The following EFCAB5 variants were observed in gnomAD, a reference collection of about 807,000 sequenced individuals.
EFCAB5 encodes the protein EF-hand calcium-binding domain-containing protein 5.
EFCAB5 carries 131 observed loss-of-function variants against 167.9 expected under a neutral mutation model. That is an observed-to-expected ratio of 0.78 (90% CI 0.68 to 0.90). The LOEUF is 0.90. Ranked by LOEUF, EFCAB5 falls within the 40% of genes least tolerant of loss-of-function variation. The probability of loss-of-function intolerance (pLI) is 0.00; values close to 1 mark genes in which losing one functional copy is unlikely to be tolerated. For synonymous variants in EFCAB5, 574 were observed against 602.8 expected (o/e 0.95, Z 0.70); for missense variants, 1,663 against 1,745.2 (o/e 0.95, Z 0.84).
chr17:29,996,441 C>G (rs2068546043), intron 6 of EFCAB5, 81 bp downstream of exon 6: 1 of 1,207,300 alleles, frequency 8.3e-7, no homozygotes, highest in South Asian at 1.4e-5. Flanking sequence ...GAAGAGTCAA[C>G]ATGAGACAGA....
At chr17:30,044,825 A>G (rs2069874886) in intron 8 of EFCAB5, among the ~76,000 whole-genome samples, 1 of 152,236 alleles carries the variant, frequency 6.6e-6, no homozygotes, top group Non-Finnish European at 1.5e-5. Flanking sequence ...ATTACAACAT[A>G]TAATTAAAAC....
chr17:29,994,310 T>A (rs7212162), intron 5 of EFCAB5, among the ~76,000 whole-genome samples: 79,496 of 150,908 alleles, frequency 0.53, 21,294 homozygotes, highest in East Asian at 0.69. Flanking sequence ...AGAACTTGGA[T>A]ATTTCATTTT....
At chr17:29,967,356 TC>T (rs2067851207) in intron 3 of EFCAB5, among the ~76,000 whole-genome samples, 1 of 152,208 alleles carries the variant, frequency 6.6e-6, no homozygotes, top group Non-Finnish European at 1.5e-5. Flanking sequence ...AAATCTTGCT[TC>T]TCTAGCCTAA....
In EFCAB5 at chr17:30,107,929, AAAC is replaced by A. The variant is rs777579576; in HGVS notation, c.4421_4423del (p.Gln1474del). The A allele has an allele frequency of 9.9e-6, 16 of 1,611,972 alleles. No homozygotes were observed. In the South Asian group the frequency reaches 1.3e-4, roughly 13 times the overall value. On this transcript the variant is annotated inframe_deletion, in exon 23 of 23. Transcript: ENST00000394835. ...CTGTTCAGCTCTCATGAAGATAACC[AAAC>A]AACTAAATAGTGGTATTACACCTCC...
At chr17:30,068,900 C>T (rs968379484) in intron 14 of EFCAB5, 1 of 1,537,286 alleles carries the variant, frequency 6.5e-7, no homozygotes, top group African/African-American at 1.4e-5. Context: ...ATGACAGACA[C>T]AGAACGAGAC....
chr17:29,940,340 G>C (rs2067281956), upstream of EFCAB5, among the ~76,000 whole-genome samples: 1 of 152,140 alleles, frequency 6.6e-6, no homozygotes, highest in African/African-American at 2.4e-5. Flanking sequence ...GCCTCCCAAA[G>C]TGCTGGGATT....
intron 22 of EFCAB5, among the ~76,000 whole-genome samples, chr17:30,093,802 C>T (rs572246154): frequency 6.6e-6 from 1 of 152,298 alleles, no homozygotes; most frequent in Non-Finnish European, 1.5e-5. Context: ...CCACAGTCTC[C>T]GCAGCAATCA....
intron 19 of EFCAB5, 54 bp from the exon 20 acceptor site, chr17:30,090,367 G>A: frequency 6.3e-7 from 1 of 1,583,948 alleles, no homozygotes; most frequent in Non-Finnish European, 8.6e-7. Flanking sequence ...TTGGTGGAAT[G>A]ATGTGAACAG....
chr17:30,097,061 T>TG (rs200670086), intron 22 of EFCAB5, among the ~76,000 whole-genome samples: 1 of 51,128 alleles, frequency 2.0e-5, no homozygotes, highest in Non-Finnish European at 3.3e-5. Context: ...TATATATATA[T>TG]TTTTTTTTTT....
rs1010726257 is a variant in EFCAB5, at chr17:30,034,267, T to C, written c.1082T>C (p.Met361Thr). The C allele has an allele frequency of 2.5e-6, 4 of 1,613,894 alleles. No individual in the cohort carries two copies. Among genetic ancestry groups the C allele is most frequent in the Non-Finnish European group, 3.4e-6 (4 of 1,179,898 alleles). Residue 361 changes from methionine (M) to threonine (T), a missense_variant, in exon 8 of 23, where the codon ATG becomes ACG. By Grantham distance (81) the Met-to-Thr change is moderately conservative (BLOSUM62 -1). Coordinates refer to ENST00000394835, the MANE Select transcript of EFCAB5 (RefSeq NM_198529.4). ...CATATTAAAGACTTGAAGAGTGAAA[T>C]GTTTGAGGAACTTCTTAAGCACCTT... ...SSHIKDLKSEMFEELLKHLCH... is the reference protein window; with the variant it reads ...SSHIKDLKSETFEELLKHLCH...
intron 3 of EFCAB5, among the ~76,000 whole-genome samples, chr17:29,954,545 T>G (rs2067574656): frequency 6.6e-6 from 1 of 152,172 alleles, no homozygotes; most frequent in South Asian, 2.1e-4. Context: ...CTGCCTAGAT[T>G]TCAAGGATGT....
At chr17:30,068,286 A>AGT (rs1211235486) in intron 14 of EFCAB5, among the ~76,000 whole-genome samples, 1 of 151,996 alleles carries the variant, frequency 6.6e-6, no homozygotes, top group Non-Finnish European at 1.5e-5. Flanking sequence ...TGGGCAACAG[A>AGT]GTGAGACTCC....
At chr17:30,078,073 C>T in intron 14 of EFCAB5, 142 bp from the exon 15 acceptor site, 1 of 770,928 alleles carries the variant, frequency 1.3e-6, no homozygotes, top group Non-Finnish European at 2.0e-6. Flanking sequence ...TTCCACTGGG[C>T]TCAGAGATGC....
Position 30,059,665 on chromosome 17 carries a change from T to A in EFCAB5, c.2701T>A (p.Tyr901Asn). 6.2e-7 allele frequency: 1 copy of A among 1,603,422 alleles called. No homozygotes were observed. Among genetic ancestry groups the A allele is most frequent in the Middle Eastern group, 1.7e-4 (1 of 6,002 alleles). ...LKEVDELLYTYKEGMEKESMK... is the reference protein window; with the variant it reads ...LKEVDELLYTNKEGMEKESMK... ...GGAAGTTGATGAACTCTTGTACACA[T>A]ACAAGGAGGGAATGGAAAAAGAATC... Residue 901 changes from tyrosine (Y) to asparagine (N), a missense_variant, in exon 14 of 23, where the codon TAC becomes AAC. By Grantham distance (143) the Tyr-to-Asn change is moderately radical (BLOSUM62 -2). Coordinates refer to ENST00000394835, the MANE Select transcript of EFCAB5 (RefSeq NM_198529.4).
intron 7 of EFCAB5, among the ~76,000 whole-genome samples, chr17:30,014,073 T>A (rs1468320641): frequency 6.6e-6 from 1 of 152,204 alleles, no homozygotes; most frequent in Non-Finnish European, 1.5e-5. Flanking sequence ...CAGTCGTCAT[T>A]CAGGAGCAGG....
At chr17:30,058,913 T>C (rs1299803260) in intron 13 of EFCAB5, 1 of 151,448 alleles carries the variant, frequency 6.6e-6, no homozygotes, top group African/African-American at 2.4e-5. Flanking sequence ...TGTGTATTTA[T>C]CACATTCCTG....
At chr17:30,045,525 AC>A (rs1408360687) in intron 8 of EFCAB5, among the ~76,000 whole-genome samples, 1 of 151,524 alleles carries the variant, frequency 6.6e-6, no homozygotes, top group Non-Finnish European at 1.5e-5. Flanking sequence ...CTACAGCTTC[AC>A]TGTGGTGGTA....
chr17:30,037,891 A>T (rs1010421163), intron 8 of EFCAB5, among the ~76,000 whole-genome samples: 9 of 152,136 alleles, frequency 5.9e-5, no homozygotes, highest in African/African-American at 1.7e-4. Flanking sequence ...ATTTCCTGAG[A>T]TACAACAATA....
intron 14 of EFCAB5, chr17:30,069,408 T>C (rs2070668629): frequency 6.5e-7 from 1 of 1,537,282 alleles, no homozygotes; most frequent in African/African-American, 1.4e-5. Context: ...GGGAGAGTGG[T>C]TGAGATTTCC....
Sources: gnomAD v4.1 joint callset for allele counts (sites outside exome capture counted in the v4.1 genomes callset) on GRCh38, gnomAD v4.1.1 for gene constraint, MANE v1.5 for transcripts, NCBI Gene and HGNC (gene_info 2026-07-23, HGNC 2026-07-21) for gene names.